The following NELL1 variants were observed in gnomAD, a reference collection of about 807,000 sequenced individuals.
The protein encoded by NELL1 is neural EGFL like 1.
NELL1 carries 76 observed loss-of-function variants against 107.4 expected under a neutral mutation model. The observed-to-expected ratio is 0.71, with a 90% CI of 0.59 to 0.86. The LOEUF (loss-of-function observed/expected upper bound fraction) is 0.86, where lower values mean the gene tolerates loss of function less well. Ranked by LOEUF, NELL1 falls within the 40% of genes least tolerant of loss-of-function variation. The pLI is 0.00. For missense variants in NELL1, 1,024 were observed against 1,005.5 expected (o/e 1.02, Z -0.25); for synonymous variants, 353 against 341.2 (o/e 1.03, Z -0.38).
intron 15 of NELL1, among the ~76,000 whole-genome samples, chr11:21,451,036 A>G (rs1853565339): frequency 6.6e-6 from 1 of 151,838 alleles, no homozygotes; most frequent in South Asian, 2.1e-4. Context: ...TAAAAATACA[A>G]AAAAGCCGGG....
At chr11:21,506,338 C>T (rs887414108) in intron 15 of NELL1, among the ~76,000 whole-genome samples, 1 of 152,162 alleles carries the variant, frequency 6.6e-6, no homozygotes, top group Non-Finnish European at 1.5e-5. Context: ...AATTTACAGG[C>T]TTACCACTGC....
chr11:21,186,215 C>T (rs1856932311), intron 13 of NELL1, among the ~76,000 whole-genome samples: 2 of 151,846 alleles, frequency 1.3e-5, no homozygotes, highest in Admixed American at 1.3e-4. Context: ...AGAAGGGCCC[C>T]ATTCACTGAG....
At chr11:21,415,189 T>A (rs1852483335) in intron 15 of NELL1, among the ~76,000 whole-genome samples, 1 of 152,114 alleles carries the variant, frequency 6.6e-6, no homozygotes, top group African/African-American at 2.4e-5. Flanking sequence ...GAGCATCATT[T>A]CCTTCACCTT....
chr11:20,993,526 C>T (rs1852023097), intron 12 of NELL1, among the ~76,000 whole-genome samples: 1 of 152,138 alleles, frequency 6.6e-6, no homozygotes, highest in Non-Finnish European at 1.5e-5. Flanking sequence ...GTAAAATGTA[C>T]ATTCATCCCT....
chr11:21,149,006 G>A (rs774533833), intron 13 of NELL1, among the ~76,000 whole-genome samples: 7 of 152,160 alleles, frequency 4.6e-5, no homozygotes, highest in African/African-American at 7.2e-5. Context: ...ATCACTCACA[G>A]CCTGCAGAAA....
At chr11:20,988,849 A>G (rs965323792) in intron 12 of NELL1, among the ~76,000 whole-genome samples, 1 of 151,802 alleles carries the variant, frequency 6.6e-6, no homozygotes, top group Non-Finnish European at 1.5e-5. Flanking sequence ...CAGCCTCCCA[A>G]AGTGCTGAGA....
At chr11:20,781,642 A>G (rs1225886807) in intron 2 of NELL1, among the ~76,000 whole-genome samples, 1 of 152,214 alleles carries the variant, frequency 6.6e-6, no homozygotes, top group East Asian at 1.9e-4. Flanking sequence ...AGTAAAGAAG[A>G]AAAAAGTAAA....
At chr11:21,441,670 G>T (rs937483445) in intron 15 of NELL1, among the ~76,000 whole-genome samples, 1 of 151,994 alleles carries the variant, frequency 6.6e-6, no homozygotes, top group Non-Finnish European at 1.5e-5. Context: ...TGAAAAAAAT[G>T]TATGTTGAGA....
At position 20,844,651 on chromosome 11, in the gene NELL1, G is replaced by A. The variant is rs116920957; in HGVS notation, c.336-2932G>A. ...TGGCTCCTATTCACTTGCTCGTAGC[G>A]TCAGACTTCTGCTCCCTTCATCAAG... On this transcript the variant is annotated intron_variant, in intron 3 of 19. Transcript: ENST00000357134. Among the ~76,000 whole-genome samples, 27 of 152,236 alleles carry A rather than the reference G, an allele frequency of 1.8e-4. No individual in the cohort carries two copies. In the East Asian group the frequency reaches 1.9e-3, roughly 11 times the overall value.
chr11:21,224,561 C>T (rs953089613), intron 13 of NELL1, among the ~76,000 whole-genome samples: 1 of 152,054 alleles, frequency 6.6e-6, no homozygotes. Context: ...TGCCATTTCC[C>T]ATCTTTTCTT....
intron 16 of NELL1, among the ~76,000 whole-genome samples, chr11:21,543,239 G>A (rs1014094895): frequency 1.3e-5 from 2 of 152,004 alleles, no homozygotes; most frequent in Non-Finnish European, 2.9e-5. Context: ...CAAAATTGTT[G>A]TTTCCAAAGA....
chr11:20,773,035 C>A (rs1024553041), intron 2 of NELL1, among the ~76,000 whole-genome samples: 1 of 152,108 alleles, frequency 6.6e-6, no homozygotes, highest in Non-Finnish European at 1.5e-5. Context: ...GGCTGGAAGT[C>A]CCATAGTCTC....
chr11:21,454,792 T>G (rs1853682852), intron 15 of NELL1, among the ~76,000 whole-genome samples: 1 of 152,228 alleles, frequency 6.6e-6, no homozygotes. Flanking sequence ...CTGGTCATTG[T>G]TCCTCTTCTT....
chr11:21,113,652 C>A lies in NELL1; in HGVS notation c.1364C>A (p.Pro455His). 2 of 1,612,160 alleles carry A rather than the reference C, an allele frequency of 1.2e-6. No homozygotes were observed. Among genetic ancestry groups the A allele is most frequent in the Middle Eastern group, 1.7e-4 (1 of 6,042 alleles). Residue 455 changes from proline (P) to histidine (H), a missense_variant, in exon 13 of 20, where the codon CCT (proline) becomes CAT (histidine). Transcript: ENST00000357134. ...CHANTVCVNL[P>H]GLYRCDCVPG... The stretch of plus-strand genomic sequence containing the variant: ...GCCAATACTGTGTGTGTCAACCTTC[C>A]TGGGTTATATCGCTGTGACTGTGTC...
intron 14 of NELL1, among the ~76,000 whole-genome samples, chr11:21,327,720 A>G (rs957335584): frequency 6.6e-6 from 1 of 152,174 alleles, no homozygotes; most frequent in Non-Finnish European, 1.5e-5. Flanking sequence ...GGAACTTCCT[A>G]GAGACTTCTT....
chr11:20,927,991 A>G (rs1053777323), intron 8 of NELL1, among the ~76,000 whole-genome samples: 2 of 152,226 alleles, frequency 1.3e-5, no homozygotes, highest in Non-Finnish European at 2.9e-5. Flanking sequence ...TCCAGTTGAA[A>G]TTACTTGATA....
chr11:21,422,349 G>A (rs1300112783), intron 15 of NELL1, among the ~76,000 whole-genome samples: 1 of 152,058 alleles, frequency 6.6e-6, no homozygotes, highest in African/African-American at 2.4e-5. Context: ...GTAACAATTT[G>A]TAACTCCATT....
intron 12 of NELL1, among the ~76,000 whole-genome samples, chr11:20,989,366 C>G (rs145742279): frequency 6.6e-6 from 1 of 152,070 alleles, no homozygotes; most frequent in African/African-American, 2.4e-5. Context: ...TGTCTATTCA[C>G]GCAGAAAGGT....
intron 14 of NELL1, among the ~76,000 whole-genome samples, chr11:21,347,220 G>C (rs1189010193): frequency 6.6e-6 from 1 of 152,144 alleles, no homozygotes; most frequent in Non-Finnish European, 1.5e-5. Flanking sequence ...TGAGCTATGT[G>C]AACAACTTGG....
Sources: allele counts gnomAD v4.1 joint callset (sites outside exome capture counted in the v4.1 genomes callset), GRCh38; gene constraint gnomAD v4.1.1; transcripts MANE v1.5; gene names NCBI Gene and HGNC (gene_info 2026-07-23, HGNC 2026-07-21).